The following SLC24A2 variants were observed in gnomAD, a reference collection of about 807,000 sequenced individuals.
SLC24A2 encodes sodium/potassium/calcium exchanger 2.
Under a neutral mutation model 62.0 loss-of-function variants are expected in SLC24A2, and 36 were observed. That is an observed-to-expected ratio of 0.58 (90% confidence interval 0.44 to 0.77). The LOEUF (loss-of-function observed/expected upper bound fraction) is 0.77. Among genes scored for constraint, SLC24A2 ranks in the 30% least tolerant of loss-of-function variants. The pLI is 0.00. For synonymous variants in SLC24A2, 358 were observed against 294.0 expected, an observed-to-expected ratio of 1.22 and a Z score of -2.23; for missense variants, 846 against 817.9, an observed-to-expected ratio of 1.03 and a Z score of -0.42.
the SLC24A2 span, among the ~76,000 whole-genome samples, chr9:19,895,050 T>C: frequency 5.3e-5 from 8 of 152,262 alleles, no homozygotes; most frequent in South Asian, 8.3e-4. Context: ...TACTGGTAAA[T>C]TCATAGTTAT....
the SLC24A2 span, among the ~76,000 whole-genome samples, chr9:20,226,882 T>C: frequency 6.6e-6 from 1 of 152,216 alleles, no homozygotes; most frequent in African/African-American, 2.4e-5. Flanking sequence ...GCCAGCGAAG[T>C]AGGCTCTGAC....
the SLC24A2 span, among the ~76,000 whole-genome samples, chr9:20,072,470 T>C: frequency 3.3e-5 from 5 of 152,298 alleles, no homozygotes; most frequent in South Asian, 6.2e-4. Context: ...GGAGTTCTTA[T>C]CTAGGAACTA....
chr9:20,107,284 G>C, the SLC24A2 span, among the ~76,000 whole-genome samples: 296 of 152,016 alleles, frequency 1.9e-3, 3 homozygotes, highest in East Asian at 0.052. Context: ...GTAATTTATA[G>C]ATTCAATGCC....
the SLC24A2 span, among the ~76,000 whole-genome samples, chr9:19,901,281 G>A: frequency 6.6e-6 from 1 of 152,178 alleles, no homozygotes; most frequent in African/African-American, 2.4e-5. Flanking sequence ...CCTGGGTGTA[G>A]GGGAGGACTC....
the SLC24A2 span, among the ~76,000 whole-genome samples, chr9:19,806,602 G>A: frequency 6.6e-6 from 1 of 152,136 alleles, no homozygotes; most frequent in South Asian, 2.1e-4. Context: ...GAGATCTTCT[G>A]AGCTATCTGA....
intron 7 of SLC24A2, among the ~76,000 whole-genome samples, chr9:19,556,616 G>C (rs1835098124): frequency 6.6e-6 from 1 of 152,174 alleles, no homozygotes. Flanking sequence ...TTCAGGCTGG[G>C]AGTGAAGTTC....
At chr9:19,944,845 A>G in the SLC24A2 span, among the ~76,000 whole-genome samples, 1 of 152,178 alleles carries the variant, frequency 6.6e-6, no homozygotes, top group Admixed American at 6.5e-5. Context: ...TATTTATTTG[A>G]TAGTTACAGG....
the SLC24A2 span, among the ~76,000 whole-genome samples, chr9:19,964,239 G>A: frequency 8.7e-6 from 1 of 115,568 alleles, no homozygotes; most frequent in Non-Finnish European, 1.7e-5. Flanking sequence ...GGAGGGGGGA[G>A]GGATAGCATG....
intron 7 of SLC24A2, among the ~76,000 whole-genome samples, chr9:19,567,514 C>G (rs1001893242): frequency 2.1e-5 from 3 of 143,632 alleles, no homozygotes; most frequent in Admixed American, 7.2e-5. Context: ...CCACTGCACT[C>G]CAGCCTGGGG....
At chr9:19,887,459 A>T in the SLC24A2 span, among the ~76,000 whole-genome samples, 11 of 152,198 alleles carry the variant, frequency 7.2e-5, no homozygotes, top group African/African-American at 2.7e-4. Flanking sequence ...AATGCTCAAC[A>T]TCACTAATGA....
the SLC24A2 span, among the ~76,000 whole-genome samples, chr9:20,278,512 G>C: frequency 6.6e-6 from 1 of 152,168 alleles, no homozygotes; most frequent in South Asian, 2.1e-4. Context: ...TATGCCACTA[G>C]TCTCTTTGCT....
At chr9:19,567,544 CAAAAAAAAAA>C (rs747824353) in intron 7 of SLC24A2, among the ~76,000 whole-genome samples, 1 of 38,416 alleles carries the variant, frequency 2.6e-5, no homozygotes, top group African/African-American at 7.0e-5. Context: ...GACTCCATCT[CAAAAAAAAAA>C]AAAAAAAAAA....
chr9:19,779,427 C>T (rs931126320), intron 2 of SLC24A2, among the ~76,000 whole-genome samples: 5 of 152,124 alleles, frequency 3.3e-5, no homozygotes, highest in East Asian at 1.9e-4. Context: ...ACAGCAAAAA[C>T]GGAATTGAGA....
the SLC24A2 span, among the ~76,000 whole-genome samples, chr9:20,025,236 G>A: frequency 6.6e-6 from 1 of 151,972 alleles, no homozygotes; most frequent in African/African-American, 2.4e-5. Flanking sequence ...AAAACACTAC[G>A]CTAGAATGTA....
At chr9:20,144,004 A>G in the SLC24A2 span, among the ~76,000 whole-genome samples, 13 of 152,344 alleles carry the variant, frequency 8.5e-5, no homozygotes, top group Admixed American at 7.8e-4. Flanking sequence ...CTCTTCCTCT[A>G]CAAGACAGGG....
the SLC24A2 span, among the ~76,000 whole-genome samples, chr9:20,188,005 C>A: frequency 5.9e-5 from 9 of 152,200 alleles, no homozygotes; most frequent in African/African-American, 1.9e-4. Flanking sequence ...GAAGCCCCAA[C>A]AATAGCACAG....
At chr9:19,782,131 C>A (rs542703770) in intron 2 of SLC24A2, among the ~76,000 whole-genome samples, 276 of 152,264 alleles carry the variant, frequency 1.8e-3, no homozygotes, top group Non-Finnish European at 2.9e-3. Flanking sequence ...ATTACAGTGC[C>A]AAGTCTAAGA....
chr9:19,699,534 T>C (rs1820295265), intron 2 of SLC24A2, among the ~76,000 whole-genome samples: 1 of 152,208 alleles, frequency 6.6e-6, no homozygotes, highest in Non-Finnish European at 1.5e-5. Flanking sequence ...TTTCTTAAGA[T>C]TACTTAATGA....
the SLC24A2 span, among the ~76,000 whole-genome samples, chr9:19,850,982 T>TACACATAC: frequency 7.1e-5 from 3 of 42,178 alleles, 1 homozygote; most frequent in Non-Finnish European, 1.4e-4. Context: ...TATATATATA[T>TACACATAC]ATGTATATAT....
Sources: allele counts gnomAD v4.1 joint callset (sites outside exome capture counted in the v4.1 genomes callset), GRCh38; gene constraint gnomAD v4.1.1; transcripts MANE v1.5; gene names NCBI Gene and HGNC (gene_info 2026-07-23, HGNC 2026-07-21).